ZC3H12B: variants seen among roughly 807,000 people sequenced by gnomAD.
ZC3H12B encodes the protein zinc finger CCCH-type containing 12B, also known as probable ribonuclease ZC3H12B.
A neutral mutation model predicts 43.9 loss-of-function variants in ZC3H12B; 7 were observed. That is an observed-to-expected ratio of 0.16 (90% confidence interval 0.09 to 0.30). ZC3H12B has a LOEUF of 0.30. ZC3H12B is among the 10% of genes least tolerant of loss of function. ZC3H12B has a pLI of 1.00. For synonymous variants in ZC3H12B, 222 were observed against 241.7 expected (o/e 0.92, Z 0.76); for missense variants, 475 against 670.2 (o/e 0.71, Z 3.22).
the ZC3H12B span, among the ~76,000 whole-genome samples, chrX:65,202,462 G>T: frequency 9.1e-6 from 1 of 109,820 alleles, no homozygotes; most frequent in Non-Finnish European, 1.9e-5. Context: ...TCAAATCCCA[G>T]TAATGCTGTG....
At chrX:65,382,068 T>C (rs1382584275) in intron 2 of ZC3H12B, among the ~76,000 whole-genome samples, 2 of 111,586 alleles carry the variant, frequency 1.8e-5, no homozygotes, top group Non-Finnish European at 3.8e-5. Context: ...TTCCAATCAA[T>C]AGAAAAAGAG....
chrX:65,383,255 A>C (rs770464280), intron 2 of ZC3H12B, among the ~76,000 whole-genome samples: 2 of 112,011 alleles, frequency 1.8e-5, no homozygotes, highest in East Asian at 5.6e-4. Context: ...CAAAACAGAG[A>C]TATAGATCAA....
the ZC3H12B span, among the ~76,000 whole-genome samples, chrX:65,325,711 A>G: frequency 1.8e-5 from 2 of 111,376 alleles, no homozygotes; most frequent in African/African-American, 6.5e-5. Context: ...TTCCAATGTC[A>G]TTTTTCTTAA....
the ZC3H12B span, among the ~76,000 whole-genome samples, chrX:65,200,991 C>T: frequency 4.5e-5 from 5 of 111,378 alleles, no homozygotes; most frequent in East Asian, 1.4e-3. Context: ...GGATGTTGGA[C>T]TTAAGTTTCT....
chrX:65,043,699 C>G, the ZC3H12B span, among the ~76,000 whole-genome samples: 13 of 111,073 alleles, frequency 1.2e-4, no homozygotes, highest in African/African-American at 4.2e-4. Context: ...TTCCCCATGT[C>G]AATACAGTGA....
chrX:65,313,124 C>T, the ZC3H12B span, among the ~76,000 whole-genome samples: 284 of 111,587 alleles, frequency 2.5e-3, 1 homozygote, highest in South Asian at 0.014. Flanking sequence ...CCAAGTGATT[C>T]GCTCATCTTG....
At chrX:65,403,898 T>A (rs1340408317) in intron 3 of ZC3H12B, among the ~76,000 whole-genome samples, 2 of 111,227 alleles carry the variant, frequency 1.8e-5, no homozygotes, top group Non-Finnish European at 3.8e-5. Context: ...AACTCATGGG[T>A]AATAGTAAGT....
chrX:65,125,563 G>T, the ZC3H12B span, among the ~76,000 whole-genome samples: 3 of 111,315 alleles, frequency 2.7e-5, no homozygotes, highest in Non-Finnish European at 5.7e-5. Context: ...GTCTAGTGCT[G>T]CCAATTGAAT....
the ZC3H12B span, among the ~76,000 whole-genome samples, chrX:65,190,707 A>G: frequency 6.4e-5 from 7 of 109,595 alleles, no homozygotes; most frequent in Admixed American, 2.9e-4. Context: ...GGCTGAGACA[A>G]TGGGGTTTTC....
At chrX:65,283,025 G>A in the ZC3H12B span, among the ~76,000 whole-genome samples, 44 of 111,530 alleles carry the variant, frequency 3.9e-4, no homozygotes, top group Admixed American at 4.7e-4. Flanking sequence ...AACAAAAAAA[G>A]AGAATTTTAG....
the ZC3H12B span, among the ~76,000 whole-genome samples, chrX:65,226,696 G>A: frequency 2.7e-5 from 3 of 110,941 alleles, no homozygotes; most frequent in South Asian, 3.8e-4. Flanking sequence ...GAGCTACCAA[G>A]CAAATGGAAA....
chrX:65,248,707 A>C, the ZC3H12B span, among the ~76,000 whole-genome samples: 1 of 111,839 alleles, frequency 8.9e-6, no homozygotes, highest in Non-Finnish European at 1.9e-5. Flanking sequence ...ACAGTGTAGA[A>C]GTGTTCCCTG....
At chrX:65,190,155 A>G in the ZC3H12B span, among the ~76,000 whole-genome samples, 5 of 110,262 alleles carry the variant, frequency 4.5e-5, no homozygotes, top group African/African-American at 1.0e-4. Flanking sequence ...CCATTGATCT[A>G]TATCTCTGTT....
chrX:65,214,441 T>A, the ZC3H12B span, among the ~76,000 whole-genome samples: 1 of 111,793 alleles, frequency 8.9e-6, no homozygotes, highest in Non-Finnish European at 1.9e-5. Context: ...TGTTGTGTCA[T>A]TTCCACAATG....
At chrX:65,167,159 G>C in the ZC3H12B span, among the ~76,000 whole-genome samples, 9 of 111,553 alleles carry the variant, frequency 8.1e-5, no homozygotes, top group Non-Finnish European at 1.7e-4. Context: ...TTTCTTCTAG[G>C]GTTTTTATGG....
the ZC3H12B span, among the ~76,000 whole-genome samples, chrX:65,280,513 T>G: frequency 2.7e-5 from 3 of 112,033 alleles, no homozygotes; most frequent in Admixed American, 1.9e-4. Context: ...CTCACCATTT[T>G]TATTCAACAT....
the ZC3H12B span, among the ~76,000 whole-genome samples, chrX:65,201,328 A>G: frequency 9.0e-6 from 1 of 111,520 alleles, no homozygotes; most frequent in Admixed American, 9.5e-5. Context: ...TTTCTAGTTT[A>G]TGTGTATAGA....
At chrX:65,372,321 T>A (rs2066256022) in intron 2 of ZC3H12B, among the ~76,000 whole-genome samples, 1 of 111,598 alleles carries the variant, frequency 9.0e-6, no homozygotes. Context: ...GCCTTCCAAG[T>A]CCAAGTAAAT....
the ZC3H12B span, among the ~76,000 whole-genome samples, chrX:65,071,289 GT>G: frequency 0.19 from 15,071 of 80,384 alleles, 3,394 homozygotes; most frequent in African/African-American, 0.62. Context: ...CTTTTTTTCA[GT>G]TTTTTTTTTT....
Sources: allele counts gnomAD v4.1 joint callset (sites outside exome capture counted in the v4.1 genomes callset), GRCh38; gene constraint gnomAD v4.1.1; transcripts MANE v1.5; gene names NCBI Gene and HGNC (gene_info 2026-07-23, HGNC 2026-07-21).